TKT: variants seen among roughly 807,000 people sequenced by gnomAD.
TKT encodes epididymis luminal protein 107.
Under a neutral mutation model 63.9 loss-of-function variants are expected in TKT, and 47 were observed. That is an observed-to-expected ratio of 0.74 (90% CI 0.58 to 0.94). The LOEUF is 0.94. TKT is among the 40% of genes least tolerant of loss of function. The pLI is 0.00. For missense variants in TKT, 721 were observed against 846.2 expected (o/e 0.85, Z 1.84); for synonymous variants, 338 against 334.1 (o/e 1.01, Z -0.13).
chr3:53,230,724 A>G (rs112286674), intron 7 of TKT, 103 bp from the exon 8 acceptor site: 1 of 1,393,960 alleles, frequency 7.2e-7, no homozygotes, highest in Non-Finnish European at 9.8e-7. Context: ...GGGGCCAAAA[A>G]TGGAAGCCCT....
rs782579128 is a variant in TKT at position 53,225,752 on chromosome 3, C to G, written c.*4G>C. The G allele has an allele frequency of 6.2e-7, 1 of 1,605,154 alleles. No individual in the cohort carries two copies. The highest frequency in any genetic ancestry group is 1.7e-5 in the Admixed American group (1 of 59,544). On this transcript the variant is annotated 3_prime_UTR_variant, in exon 14 of 14. Coordinates refer to ENST00000462138, the MANE Select transcript of TKT (RefSeq NM_001064.4). The stretch of plus-strand genomic sequence containing the variant: ...AGACCCCCGCCCCACACTTCATACC[C>G]GCCCTAGGCCTTGGTGATGAGGCCC...
chr3:53,241,270 G>A (rs781798711), intron 2 of TKT, 25 bp from the exon 3 acceptor site: 3 of 1,585,414 alleles, frequency 1.9e-6, no homozygotes, highest in South Asian at 2.3e-5. Context: ...ATGGTGGGGT[G>A]AGGTCAGGTG....
chr3:53,226,935 C>T, intron 12 of TKT, 57 bp from the exon 13 acceptor site: 1 of 1,547,458 alleles, frequency 6.5e-7, no homozygotes, highest in South Asian at 1.2e-5. Context: ...ACTATCTGCC[C>T]TGGTGGGGGC....
chr3:53,242,143 G>A lies in TKT; in HGVS notation c.207C>T (p.Asp69=). The A allele has an allele frequency of 6.2e-7, 1 of 1,614,136 alleles. No individual in the cohort carries two copies. The change falls in exon 2 of 14, where the codon GAC becomes GAT. Residue 69 remains aspartate (D), a synonymous_variant. Transcript: ENST00000462138. ...KSQDPRNPHN[D]RFVLSKGHAA... is the part of the protein sequence containing the mutation. ...CTCTTACCTTGGAGAGCACAAAGCG[G>A]TCATTGTGCGGATTCCGGGGGTCCT...
chr3:53,246,814 G>A (rs1705526417), intron 1 of TKT, among the ~76,000 whole-genome samples: 1 of 150,080 alleles, frequency 6.7e-6, no homozygotes. Flanking sequence ...TGGCGCCATT[G>A]CACTCCAGCC....
At chr3:53,226,900 G>T in intron 12 of TKT, 22 bp from the exon 13 acceptor site, 1 of 1,582,016 alleles carries the variant, frequency 6.3e-7, no homozygotes, top group Non-Finnish European at 8.6e-7. Context: ...AGCACACGGC[G>T]TGGCTGAGGG....
intron 1 of TKT, among the ~76,000 whole-genome samples, chr3:53,252,609 A>C (rs1257754124): frequency 6.6e-6 from 1 of 152,182 alleles, no homozygotes; most frequent in Non-Finnish European, 1.5e-5. Context: ...ACTCTCGGAC[A>C]CCACAGTATG....
At position 53,242,203 on chromosome 3, in the gene TKT, A is replaced by C; in HGVS notation, c.147T>G (p.Ala49=). 6.2e-7 allele frequency: 1 copy of C among 1,614,164 alleles called. No individual in the cohort carries two copies. Among genetic ancestry groups the C allele is most frequent in the Non-Finnish European group, 8.5e-7 (1 of 1,180,020 alleles). Reference sequence around the variant, plus strand: ...AGCGCATGGTGTGGAAAAAGAGGACAGCCATGATCTCTGCGGCGCTGCAGC... The same window carrying C: ...AGCGCATGGTGTGGAAAAAGAGGACCGCCATGATCTCTGCGGCGCTGCAGC... The part of the protein sequence containing the change: ...TSCCSAAEIM[A]VLFFHTMRYK... Residue 49 remains alanine (A), a synonymous_variant, in exon 2 of 14, where the codon GCT becomes GCG. Transcript: ENST00000462138.
chr3:53,228,572 A>G, intron 10 of TKT: 1 of 573,416 alleles, frequency 1.7e-6, no homozygotes, highest in Non-Finnish European at 3.1e-6. Flanking sequence ...CTCAGACCGA[A>G]GGCAACTTTC....
chr3:53,240,613 A>G (rs1705231824), intron 3 of TKT, among the ~76,000 whole-genome samples: 2 of 152,248 alleles, frequency 1.3e-5, no homozygotes, highest in Admixed American at 1.3e-4. Context: ...CAGTTCCCAC[A>G]TCACCCACTT....
chr3:53,232,648 G>C, intron 6 of TKT: 1 of 398,076 alleles, frequency 2.5e-6, no homozygotes, highest in Non-Finnish European at 4.4e-6. Flanking sequence ...CTCCGGCCTG[G>C]GGCAGAACCC....
rs371314529 is a variant in TKT, at chr3:53,235,187, A to G, written c.438-13T>C. Reference sequence around the variant, plus strand: ...ATAGACTCGGTAGCTGTGGACAGAGAGTGAATCAGGCCAGTCCCTCTCACC... The same window carrying G: ...ATAGACTCGGTAGCTGTGGACAGAGGGTGAATCAGGCCAGTCCCTCTCACC... On this transcript the variant is annotated splice_polypyrimidine_tract_variant and intron_variant, in intron 4 of 13. Transcript: ENST00000462138. The G allele has an allele frequency of 5.7e-5, 91 of 1,601,586 alleles. No homozygotes were observed. The highest frequency in any genetic ancestry group is 7.3e-5 in the Non-Finnish European group (86 of 1,172,844).
Position 53,226,868 on chromosome 3 carries a change from G to A in TKT, c.1584C>T (p.Asn528=), listed in dbSNP as rs750363562. 6.2e-7 allele frequency: 1 copy of A among 1,609,558 alleles called. No homozygotes were observed. The highest frequency in any genetic ancestry group is 8.5e-7 in the Non-Finnish European group (1 of 1,177,464). Residue 528 remains asparagine, a synonymous_variant, in exon 13 of 14, where the codon AAC becomes AAT. Transcript: ENST00000462138. The part of the protein sequence containing the change: ...AAELLKKEKI[N]IRVLDPFTIK... Reference sequence around the variant, plus strand: ...TGGTGAAGGGGTCCAGCACGCGGATGTTGATCTTTTCTGTGAGGGAGAGCA... The same window carrying A: ...TGGTGAAGGGGTCCAGCACGCGGATATTGATCTTTTCTGTGAGGGAGAGCA...
Position 53,230,210 on chromosome 3 carries a change from G to C in TKT, c.1107+247C>G, listed in dbSNP as rs545912655. Among the ~76,000 whole-genome samples the C allele has an allele frequency of 4.2e-4, 64 of 152,354 alleles. 1 individual carries two copies. The highest frequency in any genetic ancestry group is 6.5e-4 in the Admixed American group (10 of 15,304). The stretch of plus-strand genomic sequence containing the variant: ...GCCTGGCCTGTACGCAGCTCCTCCT[G>C]AGAGCACCTGCAGTCCCATTCGGCT... On this transcript the variant is annotated intron_variant, in intron 8 of 13. Transcript: ENST00000462138.
chr3:53,241,992 G>A (rs2106705304), intron 2 of TKT, 133 bp downstream of exon 2: 1 of 790,764 alleles, frequency 1.3e-6, no homozygotes, highest in Non-Finnish European at 2.2e-6. Flanking sequence ...GGAGAGGCCA[G>A]GACGAGCAGG....
intron 4 of TKT, among the ~76,000 whole-genome samples, chr3:53,236,318 CTGGGACAGCT>C (rs1705030734): frequency 6.6e-6 from 1 of 152,242 alleles, no homozygotes; most frequent in East Asian, 1.9e-4. Context: ...CAGGAAGAGG[CTGGGACAGCT>C]AGCCACGGAG....
chr3:53,230,516 T>C lies in TKT; in HGVS notation c.1048A>G (p.Ile350Val), dbSNP rs757757097. The C allele has an allele frequency of 1.2e-5, 20 of 1,614,076 alleles. No homozygotes were observed. The highest frequency in any genetic ancestry group is 1.7e-5 in the Non-Finnish European group (20 of 1,180,042). The change falls in exon 8 of 14, where the codon ATC becomes GTC. Residue 350 changes from isoleucine to valine, a missense_variant. Physicochemically the swap from Ile to Val is conservative, Grantham distance 29. Transcript: ENST00000462138. ...CGGTCCGGGTGCTCCTTTTTGAAGA[T>C]CTCCGAGAAGGTGGAATTTTTGGTG... is the stretch of plus-strand genomic sequence containing the variant. ...GDTKNSTFSE[I>V]FKKEHPDRFI...
chr3:53,228,027 T>G, intron 12 of TKT, 29 bp downstream of exon 12: 1 of 1,606,270 alleles, frequency 6.2e-7, no homozygotes, highest in Non-Finnish European at 8.5e-7. Flanking sequence ...GCCGCTCAGT[T>G]GATGACTTTG....
intron 12 of TKT, chr3:53,227,278 C>T (rs375847988): frequency 6.0e-4 from 39 of 64,634 alleles, no homozygotes; most frequent in African/African-American, 1.6e-3. Flanking sequence ...CAGAGGCCCA[C>T]GTGCGGCCCC....
Sources: gnomAD v4.1 joint callset for allele counts (sites outside exome capture counted in the v4.1 genomes callset) on GRCh38, gnomAD v4.1.1 for gene constraint, MANE v1.5 for transcripts, NCBI Gene and HGNC (gene_info 2026-07-23, HGNC 2026-07-21) for gene names.